Variants in ADGRA1 observed in about 807,000 individuals in gnomAD.
ADGRA1 encodes adhesion G protein-coupled receptor A1, also known as G-protein coupled receptor 123.
ADGRA1 carries 12 observed loss-of-function variants against 21.3 expected under a neutral mutation model. That is an observed-to-expected ratio of 0.56 (90% CI 0.36 to 0.91). The LOEUF is 0.91. ADGRA1 is among the 40% of genes least tolerant of loss of function. The pLI, the probability that ADGRA1 is intolerant of heterozygous loss-of-function variation, is 0.01. For missense variants in ADGRA1, 790 were observed against 805.6 expected, an observed-to-expected ratio of 0.98 and a Z score of 0.23; for synonymous variants, 385 against 368.8, an observed-to-expected ratio of 1.04 and a Z score of -0.50.
chr10:133,112,388 G>T (rs996684674), intron 5 of ADGRA1, among the ~76,000 whole-genome samples: 2 of 140,714 alleles, frequency 1.4e-5, no homozygotes, highest in African/African-American at 5.9e-5. Flanking sequence ...GTTATTTGGG[G>T]TCTACGGGCC....
At chr10:133,093,317 T>C (rs1237187207) in intron 2 of ADGRA1, 7 of 1,525,310 alleles carry the variant, frequency 4.6e-6, no homozygotes, top group African/African-American at 2.7e-5. Flanking sequence ...TTCTCATCTT[T>C]CCTCCTTTGT....
intron 3 of ADGRA1, among the ~76,000 whole-genome samples, chr10:133,098,351 G>T (rs940179124): frequency 6.6e-6 from 1 of 152,152 alleles, no homozygotes; most frequent in African/African-American, 2.4e-5. Flanking sequence ...GAGTCTCAGG[G>T]CCTCGGTGTC....
chr10:133,098,781 C>T lies in ADGRA1; in HGVS notation c.255+18C>T, dbSNP rs374670716. The T allele has an allele frequency of 2.2e-4, 358 of 1,605,814 alleles. 1 individual carries two copies. The highest frequency in any genetic ancestry group is 3.0e-4 in the Non-Finnish European group (351 of 1,178,654). On this transcript the variant is annotated intron_variant, in intron 4 of 6. Transcript: ENST00000392607. The stretch of plus-strand genomic sequence containing the variant: ...GCCAGGCGGTGAGTGCCGGGGCGCC[C>T]TCGTTGGCTCCTCCCAGAGGGGAAC...
intron 2 of ADGRA1, 170 bp downstream of exon 2, chr10:133,089,082 C>A: frequency 8.4e-7 from 1 of 1,190,376 alleles, no homozygotes; most frequent in Middle Eastern, 2.1e-4. Context: ...GGGCCGGGGA[C>A]AGGCCGCGTG....
In ADGRA1 at chr10:133,128,494, G is replaced by A. The variant is rs1039225999; in HGVS notation, c.666G>A (p.Ala222=). ...AGCCCGAGGAGCAGCGGCGGCTGGC[G>A]ACACCCGAGGGCGGCCGTGGGATCC... ...RTQPEEQRRL[A]TPEGGRGIRP... is the part of the protein sequence containing the mutation. Residue 222 remains alanine (A), a synonymous_variant, in exon 7 of 7, where the codon GCG becomes GCA. Coordinates refer to ENST00000392607, the MANE Select transcript of ADGRA1 (RefSeq NM_001083909.3). 16 of 1,556,384 alleles carry A rather than the reference G, an allele frequency of 1.0e-5. No homozygotes were observed. The East Asian group carries it at 1.9e-4, about 19-fold the overall frequency.
chr10:133,124,137 C>G (rs1285405423), intron 5 of ADGRA1, among the ~76,000 whole-genome samples: 5 of 151,600 alleles, frequency 3.3e-5, no homozygotes, highest in African/African-American at 1.2e-4. Flanking sequence ...GCACCCTCCC[C>G]GGCCAGCCCA....
intron 4 of ADGRA1, among the ~76,000 whole-genome samples, chr10:133,100,364 C>T (rs372467990): frequency 7.4e-4 from 112 of 152,376 alleles, no homozygotes; most frequent in African/African-American, 2.5e-3. Context: ...GTCACCATCA[C>T]GTCTGCACTT....
At chr10:133,121,541 A>AGT (rs372963791) in intron 5 of ADGRA1, among the ~76,000 whole-genome samples, 2 of 133,388 alleles carry the variant, frequency 1.5e-5, no homozygotes, top group African/African-American at 2.9e-5. Context: ...CCAGTGTGCC[A>AGT]GTGTGTGTGT....
At chr10:133,109,911 G>T in intron 5 of ADGRA1, among the ~76,000 whole-genome samples, 1 of 152,252 alleles carries the variant, frequency 6.6e-6, no homozygotes, top group Middle Eastern at 3.2e-3. Flanking sequence ...AGGCCCCACG[G>T]CCTCTGCACA....
chr10:133,129,564 G>T lies in ADGRA1; in HGVS notation c.*53G>T. The T allele has an allele frequency of 1.4e-6, 2 of 1,456,840 alleles. No homozygotes were observed. The highest frequency in any genetic ancestry group is 1.3e-5 in the South Asian group (1 of 75,738). 90.2% of individuals were successfully genotyped at this position (1,456,840 alleles called of 1,614,324 possible). ...GAGGAGCTTCAGAGCAGAGTGGGGGGCCCATCTGCCACATGAGGTCACTGG... is the reference window on the plus strand; with the variant it reads ...GAGGAGCTTCAGAGCAGAGTGGGGGTCCCATCTGCCACATGAGGTCACTGG... On this transcript the variant is annotated 3_prime_UTR_variant, in exon 7 of 7. Transcript: ENST00000392607.
intron 5 of ADGRA1, among the ~76,000 whole-genome samples, chr10:133,111,893 A>ACAACCTGCCCACCACGGG (rs1852026254): frequency 5.8e-5 from 1 of 17,246 alleles, no homozygotes; most frequent in Non-Finnish European, 1.3e-4. Flanking sequence ...CCCACCACAG[A>ACAACCTGCCCACCACGGG]CACCTCCCTC....
intron 5 of ADGRA1, among the ~76,000 whole-genome samples, chr10:133,112,773 A>ACGGGCC (rs1564850418): frequency 0.014 from 759 of 54,688 alleles, 5 homozygotes; most frequent in East Asian, 0.025. Flanking sequence ...GGGGTCTGTA[A>ACGGGCC]GCTATGTCGG....
At chr10:133,123,394 C>G (rs1852313100) in intron 5 of ADGRA1, among the ~76,000 whole-genome samples, 1 of 152,206 alleles carries the variant, frequency 6.6e-6, no homozygotes, top group Non-Finnish European at 1.5e-5. Context: ...GCTTTGGAAC[C>G]CAAAGTCTGT....
chr10:133,096,480 T>A (rs1851690971), intron 2 of ADGRA1, among the ~76,000 whole-genome samples: 1 of 152,200 alleles, frequency 6.6e-6, no homozygotes, highest in Admixed American at 6.5e-5. Flanking sequence ...TTTCTCCACC[T>A]CTCGCAGAAG....
intron 5 of ADGRA1, among the ~76,000 whole-genome samples, chr10:133,105,168 G>A (rs1851870316): frequency 1.3e-5 from 2 of 152,270 alleles, no homozygotes; most frequent in African/African-American, 4.8e-5. Flanking sequence ...GGGCACAGAC[G>A]CCTCTCCAGG....
intron 4 of ADGRA1, among the ~76,000 whole-genome samples, chr10:133,101,161 A>G (rs11101926): frequency 0.025 from 3,785 of 152,242 alleles, 161 homozygotes; most frequent in African/African-American, 0.086. Flanking sequence ...TTGGAGCCCA[A>G]CCTGCCTGCA....
intron 2 of ADGRA1, 147 bp from the exon 3 acceptor site, chr10:133,096,827 C>G: frequency 9.9e-7 from 1 of 1,008,230 alleles, no homozygotes; most frequent in Non-Finnish European, 1.4e-6. Flanking sequence ...CGTACCTCCC[C>G]AGGCAGCCCC....
At chr10:133,125,042 A>G (rs1332395663) in intron 5 of ADGRA1, among the ~76,000 whole-genome samples, 1 of 152,060 alleles carries the variant, frequency 6.6e-6, no homozygotes, top group African/African-American at 2.4e-5. Flanking sequence ...GGGCCCCTCT[A>G]TCTCCCTGTC....
In ADGRA1 at chr10:133,097,178, G is replaced by A. The variant is rs1851703965; in HGVS notation, c.131+77G>A. The A allele has an allele frequency of 2.6e-6, 4 of 1,534,346 alleles. No homozygotes were observed. In the East Asian group the frequency reaches 6.8e-5, roughly 26 times the overall value. On this transcript the variant is annotated intron_variant, in intron 3 of 6. Coordinates refer to ENST00000392607, the MANE Select transcript of ADGRA1 (RefSeq NM_001083909.3). ...ACCTTCAAAGGCAAGTCCCTGAAGG[G>A]CAATGCCACTGCCCCCTCATGTAGC... is the stretch of plus-strand genomic sequence containing the variant.
Sources: allele counts gnomAD v4.1 joint callset (sites outside exome capture counted in the v4.1 genomes callset), GRCh38; gene constraint gnomAD v4.1.1; transcripts MANE v1.5; gene names NCBI Gene and HGNC (gene_info 2026-07-23, HGNC 2026-07-21).